Variants in PAIP2 observed in about 807,000 individuals in gnomAD.
PAIP2 encodes the protein poly(A) binding protein interacting protein 2, also known as polyadenylate-binding protein-interacting protein 2.
PAIP2 carries 7 observed loss-of-function variants against 14.8 expected under a neutral mutation model. That is an observed-to-expected ratio of 0.47 (90% confidence interval 0.27 to 0.89). The LOEUF is 0.89. Ranked by LOEUF, PAIP2 falls within the 40% of genes least tolerant of loss-of-function variation. PAIP2 has a pLI of 0.13. For missense variants in PAIP2, 122 were observed against 154.7 expected (o/e 0.79, Z 1.12); for synonymous variants, 47 against 45.3 (o/e 1.04, Z -0.15).
chr5:139,360,592 A>G (rs1356932781), intron 1 of PAIP2, among the ~76,000 whole-genome samples: 1 of 150,924 alleles, frequency 6.6e-6, no homozygotes, highest in Non-Finnish European at 1.5e-5. Context: ...TCCCAGGGTC[A>G]GGAGATCCTC....
At chr5:139,342,704 C>G (rs893022306) in intron 1 of PAIP2, 1 of 152,180 alleles carries the variant, frequency 6.6e-6, no homozygotes, top group Non-Finnish European at 1.5e-5. Context: ...TGCTTACTCT[C>G]CTCCTTCCCC....
intron 1 of PAIP2, among the ~76,000 whole-genome samples, chr5:139,347,773 T>TA (rs950513047): frequency 1.5e-3 from 205 of 141,326 alleles, no homozygotes; most frequent in Middle Eastern, 3.6e-3. Flanking sequence ...GGTACATCCA[T>TA]AAAAAAAAAA....
intron 1 of PAIP2, among the ~76,000 whole-genome samples, chr5:139,357,417 A>G (rs1756947358): frequency 6.6e-6 from 1 of 152,004 alleles, no homozygotes; most frequent in African/African-American, 2.4e-5. Flanking sequence ...TTGCTACTAT[A>G]TTTACCCTTA....
In PAIP2 at chr5:139,356,378, G is replaced by A. The variant is rs181085676; in HGVS notation, c.-26-7381G>A. ...GGAGAATCACTTGAACCCAGGAGGC[G>A]GAGGTTGCAGTGAGCCAAGATCGCG... On this transcript the variant is annotated intron_variant, in intron 1 of 3. Transcript: ENST00000265192. 1.7e-3 allele frequency among the ~76,000 whole-genome samples: 255 copies of A among 148,956 alleles called. 3 individuals are homozygous for A. Among genetic ancestry groups the A allele is most frequent in the East Asian group, 0.015 (75 of 4,924 alleles).
intron 1 of PAIP2, among the ~76,000 whole-genome samples, chr5:139,354,556 T>C (rs140235686): frequency 6.6e-6 from 1 of 152,316 alleles, no homozygotes; most frequent in East Asian, 1.9e-4. Context: ...TGTCTTTTTA[T>C]CAAATTTGGG....
chr5:139,367,334 T>C (rs1757310924), intron 3 of PAIP2: 2 of 152,176 alleles, frequency 1.3e-5, no homozygotes, highest in African/African-American at 4.8e-5. Flanking sequence ...TTTTTCAACT[T>C]GCAGTCTAAA....
chr5:139,368,634 C>A, intron 3 of PAIP2, 99 bp from the exon 4 acceptor site: 1 of 649,874 alleles, frequency 1.5e-6, no homozygotes, highest in South Asian at 2.0e-5. Context: ...GTTCTTTTGT[C>A]TTTTTTTTTT....
chr5:139,347,341 T>A (rs1359896603), intron 1 of PAIP2, among the ~76,000 whole-genome samples: 1 of 149,968 alleles, frequency 6.7e-6, no homozygotes, highest in Non-Finnish European at 1.5e-5. Context: ...TGGCGCGATC[T>A]TGGCTCACTG....
intron 1 of PAIP2, among the ~76,000 whole-genome samples, chr5:139,358,909 G>T (rs1379674429): frequency 6.6e-6 from 1 of 152,208 alleles, no homozygotes; most frequent in African/African-American, 2.4e-5. Flanking sequence ...TCCTTTTGGG[G>T]TGGTGAAAAT....
chr5:139,353,234 G>C (rs571014914), intron 1 of PAIP2, among the ~76,000 whole-genome samples: 2 of 151,888 alleles, frequency 1.3e-5, no homozygotes, highest in South Asian at 4.2e-4. Context: ...GTCTGTTTTC[G>C]GTCCTTAAAA....
At chr5:139,358,658 A>G (rs563646154) in intron 1 of PAIP2, among the ~76,000 whole-genome samples, 19 of 152,354 alleles carry the variant, frequency 1.2e-4, no homozygotes, top group African/African-American at 3.1e-4. Context: ...TCTCTATACA[A>G]TGGAATATTG....
intron 1 of PAIP2, among the ~76,000 whole-genome samples, chr5:139,358,289 T>C (rs1756974614): frequency 6.6e-6 from 1 of 152,228 alleles, no homozygotes; most frequent in African/African-American, 2.4e-5. Flanking sequence ...TTGTGAGTAT[T>C]AAATAGATGA....
At chr5:139,360,398 C>A (rs1211944389) in intron 1 of PAIP2, among the ~76,000 whole-genome samples, 1 of 152,204 alleles carries the variant, frequency 6.6e-6, no homozygotes, top group Non-Finnish European at 1.5e-5. Context: ...TTTACAGTGC[C>A]TCAATTTCCT....
In PAIP2 at chr5:139,350,575, G is replaced by C. The variant is rs200336697; in HGVS notation, c.-27+8595G>C. 2.6e-5 allele frequency among the ~76,000 whole-genome samples: 4 copies of C among 151,818 alleles called. No homozygotes were observed. In the East Asian group the frequency reaches 7.7e-4, roughly 29 times the overall value. On this transcript the variant is annotated intron_variant, in intron 1 of 3. Coordinates refer to ENST00000265192, the MANE Select transcript of PAIP2 (RefSeq NM_016480.5). ...AAACTCAGGAGGTGGAGGTTGCAGT[G>C]AGCCGAGATTGTGCCACTGCACTCC...
At chr5:139,352,259 A>G (rs1756757727) in intron 1 of PAIP2, among the ~76,000 whole-genome samples, 1 of 136,932 alleles carries the variant, frequency 7.3e-6, no homozygotes, top group Admixed American at 7.8e-5. Flanking sequence ...AATCTGATTT[A>G]CAAGTATTTT....
intron 3 of PAIP2, chr5:139,367,712 C>T (rs1757350593): frequency 1.3e-5 from 2 of 152,118 alleles, no homozygotes; most frequent in Non-Finnish European, 2.9e-5. Context: ...TCAGCAATTC[C>T]CCAGTTACTT....
Position 139,352,502 on chromosome 5 carries a change from G to GTTTTTTTTTTTT in PAIP2, c.-27+10523_-27+10534dup, listed in dbSNP as rs536704901. ...AATTCCTGCCAGTTTTTTTTTTGTTGTTTTTTTTTTTTGAGATGGAGTTTC... is the reference window on the plus strand; with the variant it reads ...AATTCCTGCCAGTTTTTTTTTTGTTGTTTTTTTTTTTTTTTTTTTTTTTTGAGATGGAGTTTC... On this transcript the variant is annotated intron_variant, in intron 1 of 3. Transcript: ENST00000265192. 6.1e-3 allele frequency among the ~76,000 whole-genome samples: 463 copies of GTTTTTTTTTTTT among 76,092 alleles called. 19 individuals carry two copies. Among genetic ancestry groups the GTTTTTTTTTTTT allele is most frequent in the African/African-American group, 0.014 (395 of 28,016 alleles). 49.9% of individuals were successfully genotyped at this position (76,092 alleles called of 152,430 possible).
At chr5:139,346,481 C>A (rs1756553203) in intron 1 of PAIP2, among the ~76,000 whole-genome samples, 1 of 152,024 alleles carries the variant, frequency 6.6e-6, no homozygotes, top group South Asian at 2.1e-4. Flanking sequence ...TCATGATCCA[C>A]CCCCTTGGCC....
At chr5:139,343,510 G>A (rs1756443688) in intron 1 of PAIP2, 1 of 152,176 alleles carries the variant, frequency 6.6e-6, no homozygotes, top group Admixed American at 6.6e-5. Context: ...TGACTCTAGA[G>A]TGTGATGCTC....
Sources: allele counts gnomAD v4.1 joint callset (sites outside exome capture counted in the v4.1 genomes callset), GRCh38; gene constraint gnomAD v4.1.1; transcripts MANE v1.5; gene names NCBI Gene and HGNC (gene_info 2026-07-23, HGNC 2026-07-21).